Variants in CHM observed in about 807,000 individuals in gnomAD.
The protein encoded by CHM is rab proteins geranylgeranyltransferase component A 1.
Under a neutral mutation model 49.0 loss-of-function variants are expected in CHM, and 10 were observed. The observed-to-expected ratio is 0.20, with a 90% CI of 0.13 to 0.35. CHM has a LOEUF of 0.35. CHM is among the 10% of genes least tolerant of loss of function. The pLI is 1.00. For synonymous variants in CHM, 184 were observed against 167.5 expected (o/e 1.10, Z -0.76); for missense variants, 455 against 478.4 (o/e 0.95, Z 0.46).
chrX:85,950,725 G>A (rs1353956307), intron 8 of CHM, among the ~76,000 whole-genome samples: 1 of 111,555 alleles, frequency 9.0e-6, no homozygotes, highest in African/African-American at 3.3e-5. Context: ...TTGAACCATA[G>A]GATAATGTAG....
At chrX:86,006,934 A>T (rs1270677237) in intron 2 of CHM, among the ~76,000 whole-genome samples, 2 of 111,868 alleles carry the variant, frequency 1.8e-5, no homozygotes, top group East Asian at 5.6e-4. Flanking sequence ...GGAACCAAAA[A>T]AGAGCCCACT....
At chrX:85,984,440 A>C (rs777583602) in intron 2 of CHM, among the ~76,000 whole-genome samples, 2 of 111,337 alleles carry the variant, frequency 1.8e-5, no homozygotes, top group Non-Finnish European at 3.8e-5. Context: ...TAGCCACCAA[A>C]ATAATTAAAA....
chrX:86,023,342 C>T (rs1167975131), intron 2 of CHM, among the ~76,000 whole-genome samples: 2 of 110,886 alleles, frequency 1.8e-5, no homozygotes, highest in Non-Finnish European at 3.8e-5. Context: ...TTGTCACTCT[C>T]TTTCATCTCT....
Position 85,863,902 on chromosome X carries a change from C to T in CHM, c.*728G>A, listed in dbSNP as rs188872764. On this transcript the variant is annotated 3_prime_UTR_variant, in exon 15 of 15. Transcript: ENST00000357749. ...AGGTCTGTAGACAATTAGCCTAATACTCTAGTTACTTGACAGACAGAATAT... is the reference window on the plus strand; with the variant it reads ...AGGTCTGTAGACAATTAGCCTAATATTCTAGTTACTTGACAGACAGAATAT... 1.8e-5 allele frequency: 2 copies of T among 112,077 alleles called. No individual in the cohort carries two copies. The highest frequency in any genetic ancestry group is 6.5e-5 in the African/African-American group (2 of 30,854). The allele number at this position is 112,077 out of a possible 1,213,427, so 9.2% of individuals were successfully genotyped here.
At chrX:85,889,817 G>A (rs963981266) in intron 12 of CHM, among the ~76,000 whole-genome samples, 2 of 111,809 alleles carry the variant, frequency 1.8e-5, no homozygotes, top group Non-Finnish European at 3.8e-5. Flanking sequence ...AATCAACGGT[G>A]GACTGGATTA....
At chrX:86,028,002 C>T (rs1389743990) in intron 1 of CHM, among the ~76,000 whole-genome samples, 1 of 111,921 alleles carries the variant, frequency 8.9e-6, no homozygotes, top group Non-Finnish European at 1.9e-5. Flanking sequence ...ACCTTGTGAT[C>T]CGCCCACCTC....
At chrX:85,956,496 A>C in intron 7 of CHM, 118 bp from the exon 8 acceptor site, 1 of 962,152 alleles carries the variant, frequency 1.0e-6, no homozygotes, top group Non-Finnish European at 1.4e-6. Flanking sequence ...AGGTGGTATT[A>C]CATTTTGGAC....
intron 2 of CHM, among the ~76,000 whole-genome samples, chrX:86,000,186 C>T (rs1027835722): frequency 9.3e-6 from 1 of 107,470 alleles, no homozygotes; most frequent in Non-Finnish European, 1.9e-5. Context: ...GATAGCCCTA[C>T]TCAGCAGTTT....
intron 4 of CHM, among the ~76,000 whole-genome samples, chrX:85,975,631 T>A (rs1485016585): frequency 8.9e-6 from 1 of 112,108 alleles, no homozygotes; most frequent in Non-Finnish European, 1.9e-5. Context: ...AACAGATTAG[T>A]GATTGTCAGG....
chrX:85,946,414 C>G (rs988512360), intron 8 of CHM, among the ~76,000 whole-genome samples: 3 of 102,096 alleles, frequency 2.9e-5, no homozygotes, highest in African/African-American at 1.1e-4. Flanking sequence ...CAGGGCCCTG[C>G]TTCCCTGCAC....
chrX:85,874,873 T>C lies in CHM; in HGVS notation c.1610-1661A>G, dbSNP rs761078145. ...TAGTTACACGAATCTTATGGGAAGA[T>C]ACTTAAATGTATCTCCTATGATTTG... On this transcript the variant is annotated intron_variant, in intron 13 of 14. Coordinates refer to ENST00000357749, the MANE Select transcript of CHM (RefSeq NM_000390.4). 4.6e-4 allele frequency among the ~76,000 whole-genome samples: 51 copies of C among 111,851 alleles called. 1 individual carries two copies. In the South Asian group the frequency reaches 7.1e-3, roughly 16 times the overall value.
At chrX:85,911,778 A>T (rs907368473) in intron 8 of CHM, among the ~76,000 whole-genome samples, 1 of 111,763 alleles carries the variant, frequency 8.9e-6, no homozygotes, top group African/African-American at 3.3e-5. Flanking sequence ...ATAAATGTAA[A>T]CAAAATCTCC....
At chrX:85,913,014 GAAAAAA>G (rs755460793) in intron 8 of CHM, among the ~76,000 whole-genome samples, 1 of 38,253 alleles carries the variant, frequency 2.6e-5, no homozygotes, top group Non-Finnish European at 4.6e-5. Flanking sequence ...CTCCATCTCA[GAAAAAA>G]AAAAAAAAAA....
chrX:85,913,332 A>AAAAAAAAAAAAGAAAGAAAGAAAG (rs762266365), intron 8 of CHM, among the ~76,000 whole-genome samples: 1 of 23,410 alleles, frequency 4.3e-5, no homozygotes, highest in African/African-American at 1.4e-4. Flanking sequence ...AAAAAAAAAA[A>AAAAAAAAAAAAGAAAGAAAGAAAG]AAAGAAAGAA....
chrX:85,978,999 C>A, intron 3 of CHM, 108 bp from the exon 4 acceptor site: 2 of 849,210 alleles, frequency 2.4e-6, no homozygotes, highest in Non-Finnish European at 3.3e-6. Flanking sequence ...TTCATCTTAC[C>A]AAAACTCAAA....
intron 7 of CHM, 138 bp downstream of exon 7, chrX:85,957,717 T>C: frequency 3.0e-6 from 2 of 664,592 alleles, no homozygotes; most frequent in Non-Finnish European, 2.2e-6. Context: ...TAAATGTTAC[T>C]AATGGCTAAC....
chrX:85,882,854 T>C (rs1322427409), intron 12 of CHM, among the ~76,000 whole-genome samples: 1 of 111,047 alleles, frequency 9.0e-6, no homozygotes, highest in Admixed American at 9.6e-5. Context: ...AGTAGCAGAG[T>C]GACATACTAT....
In CHM at chrX:85,864,672, C is replaced by T. The variant is rs748006115; in HGVS notation, c.1920G>A (p.Lys640=). The T allele has an allele frequency of 1.7e-6, 2 of 1,209,737 alleles. No homozygotes were observed. The highest frequency in any genetic ancestry group is 5.9e-5 in the East Asian group (2 of 33,712). Residue 640 remains lysine (K), a synonymous_variant, in exon 15 of 15, where the codon AAG becomes AAA. Transcript: ENST00000357749. ...CTAGGTTTCCAAGGTTTGTGCTTTC[C>T]TTGAAAGTCTCCGAGTTAGCCTCTG... is the stretch of plus-strand genomic sequence containing the variant. ...AIPEANSETF[K]ESTNLGNLEE...
intron 4 of CHM, chrX:85,971,063 C>A: frequency 1.6e-6 from 1 of 611,512 alleles, no homozygotes; most frequent in Non-Finnish European, 2.0e-6. Flanking sequence ...AAATAACTAT[C>A]CTATATATTT....
Sources: gnomAD v4.1 joint callset for allele counts (sites outside exome capture counted in the v4.1 genomes callset) on GRCh38, gnomAD v4.1.1 for gene constraint, MANE v1.5 for transcripts, NCBI Gene and HGNC (gene_info 2026-07-23, HGNC 2026-07-21) for gene names.